CIAPIN1: variants seen among roughly 807,000 people sequenced by gnomAD.
The protein encoded by CIAPIN1 is cytokine induced apoptosis inhibitor 1, also known as anamorsin.
CIAPIN1 carries 18 observed loss-of-function variants against 34.3 expected under a neutral mutation model. That is an observed-to-expected ratio of 0.52 (90% CI 0.36 to 0.78). CIAPIN1 has a LOEUF of 0.78. CIAPIN1 is among the 30% of genes least tolerant of loss of function. The pLI is 0.00. For missense variants in CIAPIN1, 310 were observed against 372.5 expected, an observed-to-expected ratio of 0.83 and a Z score of 1.38; for synonymous variants, 131 against 140.4, an observed-to-expected ratio of 0.93 and a Z score of 0.47.
chr16:57,445,105 A>T (rs2030002544), intron 1 of CIAPIN1, among the ~76,000 whole-genome samples: 1 of 152,244 alleles, frequency 6.6e-6, no homozygotes, highest in African/African-American at 2.4e-5. Flanking sequence ...GGACAAAAGC[A>T]AAAAATAACA....
rs573756318 is a variant in CIAPIN1, at chr16:57,445,800, G to T, written c.-56+1542C>A. ...ACTTGTTCCCTGCCCTCAAGAGAAC[G>T]CTCTGTCTAGACACTTAGACTAAGA... On this transcript the variant is annotated intron_variant, in intron 1 of 8. Coordinates refer to ENST00000394391, the MANE Select transcript of CIAPIN1 (RefSeq NM_020313.4). Among the ~76,000 whole-genome samples the T allele has an allele frequency of 2.8e-5, 4 of 143,644 alleles. No homozygotes were observed. The East Asian group carries it at 8.4e-4, about 30-fold the overall frequency. 94.2% of individuals were successfully genotyped at this position (143,644 alleles called of 152,430 possible).
chr16:57,429,121 G>C lies in CIAPIN1; in HGVS notation c.*49C>G, dbSNP rs747957183. On this transcript the variant is annotated 3_prime_UTR_variant, in exon 9 of 9. Transcript: ENST00000394391. ...GAGGAGCCACCATGGTGGGATGTGA[G>C]GGACAGGAGTTGGCTGGAGGAGCAG... The C allele has an allele frequency of 7.8e-7, 1 of 1,290,016 alleles. No individual in the cohort carries two copies. The highest frequency in any genetic ancestry group is 1.1e-6 in the Non-Finnish European group (1 of 887,478). The allele number at this position is 1,290,016 out of a possible 1,614,324, so 79.9% of individuals were successfully genotyped here. A position where few individuals can be genotyped will look rare whatever the true frequency, so the allele number is the denominator to read the frequency against.
chr16:57,428,497 C>T lies in CIAPIN1; in HGVS notation c.*673G>A, dbSNP rs1206034971. On this transcript the variant is annotated 3_prime_UTR_variant, in exon 9 of 9. Transcript: ENST00000394391. Reference sequence around the variant, plus strand: ...CTGAGCGTGGATGACTATCCAACATCACACACAAATGCACATCCCCTCTCT... The same window carrying T: ...CTGAGCGTGGATGACTATCCAACATTACACACAAATGCACATCCCCTCTCT... 1 of 152,222 alleles carries T rather than the reference C, an allele frequency of 6.6e-6. No homozygotes were observed. The highest frequency in any genetic ancestry group is 1.5e-5 in the Non-Finnish European group (1 of 68,068). The allele number at this position is 152,222 out of a possible 1,614,324, so 9.4% of individuals were successfully genotyped here.
intron 4 of CIAPIN1, among the ~76,000 whole-genome samples, chr16:57,435,810 T>A (rs1305139553): frequency 6.6e-6 from 1 of 151,720 alleles, no homozygotes; most frequent in Non-Finnish European, 1.5e-5. Context: ...AGAAAAAAAA[T>A]TAAAAAACAA....
At chr16:57,438,364 G>A (rs574818864) in intron 3 of CIAPIN1, among the ~76,000 whole-genome samples, 2 of 151,996 alleles carry the variant, frequency 1.3e-5, no homozygotes, top group Non-Finnish European at 2.9e-5. Flanking sequence ...CCCAGGGTTC[G>A]GCCACTATTT....
intron 1 of CIAPIN1, among the ~76,000 whole-genome samples, chr16:57,445,834 GTTTTTTTTTTT>G (rs751037117): frequency 8.5e-5 from 6 of 70,494 alleles, no homozygotes; most frequent in Admixed American, 8.3e-4. Context: ...GACCTTAGAG[GTTTTTTTTTTT>G]TTTTTTTTTT....
chr16:57,439,110 C>G lies in CIAPIN1; in HGVS notation c.310+72G>C, dbSNP rs115631501. The G allele has an allele frequency of 5.6e-4, 831 of 1,480,214 alleles. 5 individuals are homozygous for G. The African/African-American group carries it at 9.4e-3, about 17-fold the overall frequency. The allele number at this position is 1,480,214 out of a possible 1,614,324, so 91.7% of individuals were successfully genotyped here. On this transcript the variant is annotated intron_variant, in intron 3 of 8. Coordinates refer to ENST00000394391, the MANE Select transcript of CIAPIN1 (RefSeq NM_020313.4). The stretch of plus-strand genomic sequence containing the variant: ...TGATCTCCCAATGATACCTCCTGCT[C>G]ACGGAGATGCAGCACACATACTCTA...
At chr16:57,435,601 T>C (rs143042524) in intron 4 of CIAPIN1, among the ~76,000 whole-genome samples, 36 of 152,318 alleles carry the variant, frequency 2.4e-4, no homozygotes, top group African/African-American at 8.2e-4. Context: ...GAGAACGGCC[T>C]GGCCAACATA....
intron 2 of CIAPIN1, 46 bp from the exon 3 acceptor site, chr16:57,439,380 A>G (rs757469104): frequency 6.2e-6 from 10 of 1,608,230 alleles, no homozygotes; most frequent in Non-Finnish European, 7.7e-6. Context: ...AGCCTGGGAT[A>G]ATCTCCTGGT....
At chr16:57,445,831 G>A (rs2030031065) in intron 1 of CIAPIN1, among the ~76,000 whole-genome samples, 1 of 123,502 alleles carries the variant, frequency 8.1e-6, no homozygotes, top group Admixed American at 8.6e-5. Flanking sequence ...TAAGACCTTA[G>A]AGGTTTTTTT....
intron 1 of CIAPIN1, among the ~76,000 whole-genome samples, chr16:57,445,842 T>G (rs223857): frequency 0.015 from 1,995 of 129,304 alleles, 27 homozygotes; most frequent in Middle Eastern, 0.024. Context: ...AGGTTTTTTT[T>G]TTTTTTTTTT....
rs758167973 is a variant in CIAPIN1, at chr16:57,429,248, G to C, written c.861C>G (p.Ser287Arg). Residue 287 changes from serine to arginine, a missense_variant, in exon 9 of 9, where the codon AGC becomes AGG. Physicochemically the swap from Ser to Arg is moderately radical, Grantham distance 110. Transcript: ENST00000394391. ...AGGCTGGCATCCCAAGGTAGGGGCA[G>C]CTGGCACAGCGGAAGGCATCGCCCA... ...CYLGDAFRCA[S>R]CPYLGMPAFK... 3.1e-6 allele frequency: 5 copies of C among 1,614,050 alleles called. No individual in the cohort carries two copies. In the South Asian group the frequency reaches 5.5e-5, roughly 18 times the overall value.
intron 5 of CIAPIN1, among the ~76,000 whole-genome samples, chr16:57,433,019 C>T (rs1598022805): frequency 1.3e-5 from 2 of 152,214 alleles, no homozygotes; most frequent in East Asian, 1.9e-4. Context: ...TCCTATGTTA[C>T]TGCAGGTGTT....
intron 5 of CIAPIN1, 126 bp downstream of exon 5, chr16:57,433,918 T>C: frequency 3.4e-6 from 3 of 875,970 alleles, no homozygotes; most frequent in Non-Finnish European, 5.6e-6. Context: ...TTCTTCTTTG[T>C]GGAAATGGCA....
At chr16:57,445,905 G>A (rs2030042804) in intron 1 of CIAPIN1, among the ~76,000 whole-genome samples, 2 of 124,008 alleles carry the variant, frequency 1.6e-5, no homozygotes, top group African/African-American at 6.4e-5. Flanking sequence ...GAGTGCAATG[G>A]CACAATCTTG....
intron 1 of CIAPIN1, among the ~76,000 whole-genome samples, chr16:57,443,740 C>T (rs62037142): frequency 0.052 from 7,968 of 152,212 alleles, 427 homozygotes; most frequent in African/African-American, 0.13. Flanking sequence ...CATGAGCCAC[C>T]GTGCCTGGCC....
chr16:57,436,217 G>GT (rs1304439598), intron 4 of CIAPIN1, among the ~76,000 whole-genome samples: 37 of 151,756 alleles, frequency 2.4e-4, no homozygotes, highest in African/African-American at 5.3e-4. Flanking sequence ...ATTCTCAAAA[G>GT]TTTTTTTTTG....
In CIAPIN1 at chr16:57,431,463, A is replaced by C. The variant is rs1451858142; in HGVS notation, c.631-197T>G. The stretch of plus-strand genomic sequence containing the variant: ...ACGGTGAGTTAAACTACATCCACAG[A>C]AGATGCACTAGGATGCAAAGGAATT... On this transcript the variant is annotated intron_variant, in intron 6 of 8. Coordinates refer to ENST00000394391, the MANE Select transcript of CIAPIN1 (RefSeq NM_020313.4). The C allele has an allele frequency of 1.5e-5, 7 of 468,526 alleles. No homozygotes were observed. In the South Asian group the frequency reaches 2.6e-4, roughly 17 times the overall value. 29.0% of individuals were successfully genotyped at this position (468,526 alleles called of 1,614,324 possible).
intron 2 of CIAPIN1, 96 bp downstream of exon 2, chr16:57,440,676 C>A: frequency 3.6e-6 from 5 of 1,393,390 alleles, no homozygotes; most frequent in Non-Finnish European, 4.9e-6. Flanking sequence ...CACATGCCAC[C>A]CTAAATGAAA....
Sources: allele counts gnomAD v4.1 joint callset (sites outside exome capture counted in the v4.1 genomes callset), GRCh38; gene constraint gnomAD v4.1.1; transcripts MANE v1.5; gene names NCBI Gene and HGNC (gene_info 2026-07-23, HGNC 2026-07-21).